MYH11: variants seen among roughly 807,000 people sequenced by gnomAD.
MYH11 encodes myosin heavy chain 11, also known as myosin-11.
In MYH11, 80 loss-of-function variants were observed where a neutral mutation model predicts 246.6. That is an observed-to-expected ratio of 0.32 (90% CI 0.27 to 0.39). The LOEUF (loss-of-function observed/expected upper bound fraction) is 0.39, where lower values mean the gene tolerates loss of function less well. MYH11 is among the 10% of genes least tolerant of loss of function. The pLI is 1.00. For synonymous variants in MYH11, 1,071 were observed against 1,015.5 expected (o/e 1.05, Z -1.04); for missense variants, 2,158 against 2,546.8 (o/e 0.85, Z 3.29).
At chr16:15,758,084 A>G in intron 12 of MYH11, 84 bp from the exon 13 acceptor site, 1 of 1,598,968 alleles carries the variant, frequency 6.3e-7, no homozygotes, top group Non-Finnish European at 8.6e-7. Context: ...TCCACCCGAC[A>G]GCGCCCCCAT....
chr16:15,764,329 C>T lies in MYH11; in HGVS notation c.1034-438G>A, dbSNP rs576750747. On this transcript the variant is annotated intron_variant, in intron 9 of 40. Transcript: ENST00000300036. ...CCACAGAACAGTGAGAATGAATGAG[C>T]TACAACTACCACAAATCAAAACTGA... Among the ~76,000 whole-genome samples the T allele has an allele frequency of 4.6e-5, 7 of 152,226 alleles. No homozygotes were observed. In the South Asian group the frequency reaches 1.5e-3, roughly 32 times the overall value.
At chr16:15,729,440 A>G (rs996669725) in intron 27 of MYH11, among the ~76,000 whole-genome samples, 4 of 152,152 alleles carry the variant, frequency 2.6e-5, no homozygotes, top group Admixed American at 1.3e-4. Context: ...GTCTTCCCAA[A>G]GAGGCCTGGC....
intron 2 of MYH11, among the ~76,000 whole-genome samples, chr16:15,829,778 C>T (rs2043679646): frequency 1.3e-5 from 2 of 152,066 alleles, no homozygotes; most frequent in African/African-American, 4.8e-5. Context: ...GCTCCCGGGG[C>T]CTGCAGCAGA....
At chr16:15,803,803 AG>A (rs1004375222) in intron 3 of MYH11, among the ~76,000 whole-genome samples, 5 of 152,244 alleles carry the variant, frequency 3.3e-5, no homozygotes, top group African/African-American at 9.6e-5. Context: ...CCCCCAGGAG[AG>A]GGAGCGGGCT....
At chr16:15,791,711 T>C (rs1363310682) in intron 4 of MYH11, 1 of 150,168 alleles carries the variant, frequency 6.7e-6, no homozygotes, top group Non-Finnish European at 1.5e-5. Context: ...TCTCACTCTG[T>C]GGCCCAGGCT....
chr16:15,807,043 G>T (rs987137086), intron 3 of MYH11, among the ~76,000 whole-genome samples: 8 of 152,134 alleles, frequency 5.3e-5, no homozygotes, highest in Non-Finnish European at 1.0e-4. Context: ...GCTAACTGCA[G>T]TCTGGAACTC....
chr16:15,846,449 G>A (rs562816172), intron 1 of MYH11, among the ~76,000 whole-genome samples: 21 of 152,288 alleles, frequency 1.4e-4, no homozygotes, highest in African/African-American at 4.1e-4. Flanking sequence ...ATGAGTCTCC[G>A]GTGTGCAATG....
At chr16:15,716,141 C>T (rs1428537616) in intron 38 of MYH11, among the ~76,000 whole-genome samples, 2 of 151,970 alleles carry the variant, frequency 1.3e-5, no homozygotes, top group Non-Finnish European at 2.9e-5. Flanking sequence ...GCTGCCCAGA[C>T]TGGTCTCGAA....
chr16:15,731,489 C>CTTTT (rs58031056), intron 27 of MYH11, among the ~76,000 whole-genome samples: 1 of 146,156 alleles, frequency 6.8e-6, no homozygotes, highest in Non-Finnish European at 1.5e-5. Context: ...TCTATTCATT[C>CTTTT]TTTTTTTTTT....
chr16:15,717,348 C>T lies in MYH11; in HGVS notation c.5296G>A (p.Ala1766Thr), dbSNP rs2151198532. The change falls in exon 38 of 41, where the codon GCC becomes ACC. Residue 1766 changes from alanine to threonine, a missense_variant and splice_region_variant. Ala to Thr is a moderately conservative substitution (Grantham distance 58). Coordinates refer to ENST00000300036, the MANE Select transcript of MYH11 (RefSeq NM_002474.3). The part of the protein sequence containing the change: ...SDRVRKATQQ[A>T]EQLSNELATE... ...GCCAGCTCGTTGCTGAGCTGCTCGG[C>T]CTGGGGAGGAGAGTGAAGGCCATGA... 6.2e-7 allele frequency: 1 copy of T among 1,605,764 alleles called. No individual in the cohort carries two copies. Among genetic ancestry groups the T allele is most frequent in the Non-Finnish European group, 8.5e-7 (1 of 1,179,936 alleles).
chr16:15,718,258 A>T lies in MYH11; in HGVS notation c.5295+57T>A, dbSNP rs1199568816. On this transcript the variant is annotated intron_variant, in intron 37 of 40. Coordinates refer to ENST00000300036, the MANE Select transcript of MYH11 (RefSeq NM_002474.3). ...CCACGCGTGTGTTGACTGGTGCAGG[A>T]TCCTGCTGCAGGAGAGACAGTAGGC... 34 of 1,603,364 alleles carry T rather than the reference A, an allele frequency of 2.1e-5. No homozygotes were observed. The South Asian group carries it at 3.7e-4, about 18-fold the overall frequency.
chr16:15,807,088 A>G (rs776676376), intron 3 of MYH11, among the ~76,000 whole-genome samples: 2 of 152,050 alleles, frequency 1.3e-5, no homozygotes, highest in Non-Finnish European at 2.9e-5. Context: ...CAGCCTCCTG[A>G]GCAGCTGGGA....
At chr16:15,772,087 C>T (rs983634484) in intron 8 of MYH11, among the ~76,000 whole-genome samples, 10 of 105,968 alleles carry the variant, frequency 9.4e-5, no homozygotes, top group African/African-American at 3.0e-4. Context: ...AACCTTTACT[C>T]TTTTTTTTTT....
At position 15,840,230 on chromosome 16, in the gene MYH11, T is replaced by C. The variant is rs946507959; in HGVS notation, c.-17-1961A>G. ...GTCAAAACTCATTAAGAATGTTCTA[T>C]CCACTATAGGATGAGTAAAGTGAAC... On this transcript the variant is annotated intron_variant, in intron 1 of 40. Coordinates refer to ENST00000300036, the MANE Select transcript of MYH11 (RefSeq NM_002474.3). Among the ~76,000 whole-genome samples the C allele has an allele frequency of 2.0e-5, 3 of 152,086 alleles. No individual in the cohort carries two copies. In the South Asian group the frequency reaches 6.2e-4, roughly 32 times the overall value.
intron 5 of MYH11, 37 bp downstream of exon 5, chr16:15,786,593 G>C (rs1045555095): frequency 1.9e-6 from 3 of 1,586,030 alleles, no homozygotes; most frequent in Non-Finnish European, 2.6e-6. Context: ...AGACCGGTTG[G>C]CTAAATCATG....
Position 15,737,606 on chromosome 16 carries a change from CCTT to C in MYH11, c.3133_3135del (p.Lys1045del). 1 of 1,612,846 alleles carries C rather than the reference CCTT, an allele frequency of 6.2e-7. No individual in the cohort carries two copies. Among genetic ancestry groups the C allele is most frequent in the Non-Finnish European group, 8.5e-7 (1 of 1,179,986 alleles). ...TCCAGCTCCTGTCGGCTCTTCTCTT[CCTT>C]CTTTAGCCGCACTGCAAAAACCAAG... On this transcript the variant is annotated inframe_deletion, in exon 25 of 41. Transcript: ENST00000300036.
At chr16:15,718,192 C>T in intron 37 of MYH11, 123 bp downstream of exon 37, 1 of 1,507,820 alleles carries the variant, frequency 6.6e-7, no homozygotes. Context: ...GGCCCCACCA[C>T]CCTCTTGTCC....
chr16:15,706,066 C>T (rs185656028), intron 40 of MYH11, among the ~76,000 whole-genome samples: 4 of 149,582 alleles, frequency 2.7e-5, no homozygotes. Context: ...CTTTTGTTGA[C>T]AGAGGATGGG....
rs2040341419 is a variant in MYH11 at position 15,719,317 on chromosome 16, GAGGGAGGA to G, written c.5083-17_5083-10del. ...TCAGCGGCGGCGAGGTCCTAGGTGG[GAGGGAGGA>G]AGGCTGTTGTCTGCCAGGGAAAGGC... On this transcript the variant is annotated splice_polypyrimidine_tract_variant and intron_variant, in intron 35 of 40. Coordinates refer to ENST00000300036, the MANE Select transcript of MYH11 (RefSeq NM_002474.3). 6.2e-7 allele frequency: 1 copy of G among 1,609,360 alleles called. No homozygotes were observed. The highest frequency in any genetic ancestry group is 8.5e-7 in the Non-Finnish European group (1 of 1,179,862).
Sources: allele counts gnomAD v4.1 joint callset (sites outside exome capture counted in the v4.1 genomes callset), GRCh38; gene constraint gnomAD v4.1.1; transcripts MANE v1.5; gene names NCBI Gene and HGNC (gene_info 2026-07-23, HGNC 2026-07-21).